PRKG1: variants seen among roughly 807,000 people sequenced by gnomAD.
PRKG1 encodes the protein cGMP-dependent protein kinase 1.
In PRKG1, 35 loss-of-function variants were observed where a neutral mutation model predicts 88.1. The ratio of observed to expected loss-of-function variants is 0.40; its 90% CI spans 0.30 to 0.53. The LOEUF is 0.53. PRKG1 is among the 20% of genes least tolerant of loss of function. PRKG1 has a pLI of 0.59. For missense variants in PRKG1, 540 were observed against 839.8 expected (o/e 0.64, Z 4.41); for synonymous variants, 303 against 292.5 (o/e 1.04, Z -0.37).
chr10:52,168,643 A>G (rs1342611355), intron 9 of PRKG1, among the ~76,000 whole-genome samples: 2 of 152,092 alleles, frequency 1.3e-5, no homozygotes, highest in Admixed American at 6.6e-5. Context: ...CAGGGAGAAT[A>G]ATCAAAATAT....
chr10:51,210,692 C>T (rs146186944), intron 2 of PRKG1, among the ~76,000 whole-genome samples: 5,281 of 152,150 alleles, frequency 0.035, 301 homozygotes, highest in African/African-American at 0.12. Context: ...AACACCTCTA[C>T]GCAAATAAAC....
chr10:51,059,075 CAT>C (rs1353152847), intron 1 of PRKG1, among the ~76,000 whole-genome samples: 2 of 152,132 alleles, frequency 1.3e-5, no homozygotes, highest in African/African-American at 4.8e-5. Flanking sequence ...TAACCTTTAA[CAT>C]AAAATTTCTG....
At position 51,856,318 on chromosome 10, in the gene PRKG1, A is replaced by G. The variant is rs981860463; in HGVS notation, c.699-51189A>G. Among the ~76,000 whole-genome samples the G allele has an allele frequency of 3.3e-5, 5 of 152,296 alleles. No homozygotes were observed. In the East Asian group the frequency reaches 5.8e-4, roughly 18 times the overall value. Reference sequence around the variant, plus strand: ...TCTTTGGGAGGCCATTATTCAGCCAACTACCCCAGGTTAGAATTCTGCTCT... The same window carrying G: ...TCTTTGGGAGGCCATTATTCAGCCAGCTACCCCAGGTTAGAATTCTGCTCT... On this transcript the variant is annotated intron_variant, in intron 4 of 17. Coordinates refer to ENST00000373980, the MANE Select transcript of PRKG1 (RefSeq NM_006258.4).
chr10:51,735,854 C>CATGTAT (rs1837253485), intron 3 of PRKG1, among the ~76,000 whole-genome samples: 1 of 114,200 alleles, frequency 8.8e-6, no homozygotes, highest in East Asian at 2.8e-4. Flanking sequence ...GGCCTGACTG[C>CATGTAT]ATATATATAT....
intron 17 of PRKG1, among the ~76,000 whole-genome samples, chr10:52,292,087 G>T (rs1191928825): frequency 2.6e-5 from 4 of 152,006 alleles, no homozygotes; most frequent in East Asian, 1.9e-4. Flanking sequence ...TCATGTCCTT[G>T]GCCCACTTTT....
intron 2 of PRKG1, among the ~76,000 whole-genome samples, chr10:51,156,340 TAAGA>T (rs973932286): frequency 1.5e-5 from 1 of 67,526 alleles, no homozygotes; most frequent in Non-Finnish European, 3.3e-5. Context: ...TGTAACAAAA[TAAGA>T]AAGAAATACT....
intron 2 of PRKG1, among the ~76,000 whole-genome samples, chr10:51,273,318 C>T (rs1376736858): frequency 1.4e-5 from 2 of 146,166 alleles, no homozygotes; most frequent in Non-Finnish European, 3.0e-5. Context: ...TGAGATTAAC[C>T]TGGGCAACAT....
At chr10:52,075,070 AACTT>A (rs970052256) in intron 7 of PRKG1, among the ~76,000 whole-genome samples, 14 of 152,224 alleles carry the variant, frequency 9.2e-5, no homozygotes, top group African/African-American at 3.1e-4. Flanking sequence ...TAAGTCCACT[AACTT>A]TTCCTGGGCC....
chr10:51,823,375 T>C (rs1343604178), intron 4 of PRKG1, among the ~76,000 whole-genome samples: 2 of 152,126 alleles, frequency 1.3e-5, no homozygotes, highest in Non-Finnish European at 1.5e-5. Context: ...GTATGGCATA[T>C]AGGGTGAAAC....
rs141838886 is a variant in PRKG1, at chr10:52,093,116, T to C, written c.935+30485T>C. 1.7e-3 allele frequency among the ~76,000 whole-genome samples: 257 copies of C among 152,310 alleles called. 1 individual carries two copies. Among genetic ancestry groups the C allele is most frequent in the African/African-American group, 5.7e-3 (239 of 41,580 alleles). Reference sequence around the variant, plus strand: ...AAGAAAACCTTGGATGTAGAACCACTGTTAGGGTTTCCTGGCACTTGTTTA... The same window carrying C: ...AAGAAAACCTTGGATGTAGAACCACCGTTAGGGTTTCCTGGCACTTGTTTA... On this transcript the variant is annotated intron_variant, in intron 7 of 17. Coordinates refer to ENST00000373980, the MANE Select transcript of PRKG1 (RefSeq NM_006258.4).
intron 5 of PRKG1, among the ~76,000 whole-genome samples, chr10:51,935,524 T>C (rs1244918521): frequency 1.3e-5 from 2 of 152,118 alleles, no homozygotes; most frequent in East Asian, 3.9e-4. Context: ...GGAGCACAGA[T>C]AACCAGACAT....
Position 51,818,875 on chromosome 10 carries a change from T to C in PRKG1, c.698+14185T>C, listed in dbSNP as rs376869684. ...ACAAAAAATTAGCCGGGCGTAGTGGTGGGCGCCTGTAGTCCCAGCTACTTG... is the reference window on the plus strand; with the variant it reads ...ACAAAAAATTAGCCGGGCGTAGTGGCGGGCGCCTGTAGTCCCAGCTACTTG... On this transcript the variant is annotated intron_variant, in intron 4 of 17. Coordinates refer to ENST00000373980, the MANE Select transcript of PRKG1 (RefSeq NM_006258.4). 3.1e-4 allele frequency among the ~76,000 whole-genome samples: 40 copies of C among 127,838 alleles called. 4 individuals carry two copies. Among genetic ancestry groups the C allele is most frequent in the East Asian group, 2.9e-3 (13 of 4,520 alleles). The allele number at this position is 127,838 out of a possible 152,430, so 83.9% of individuals were successfully genotyped here. A position where few individuals can be genotyped will look rare whatever the true frequency, so the allele number is the denominator to read the frequency against.
intron 1 of PRKG1, among the ~76,000 whole-genome samples, chr10:51,132,601 T>C (rs1278327967): frequency 6.6e-6 from 1 of 150,856 alleles, no homozygotes; most frequent in Non-Finnish European, 1.5e-5. Context: ...GTTTGTCTGA[T>C]TTAATAAAAA....
chr10:51,096,545 G>A (rs1844535399), intron 1 of PRKG1, among the ~76,000 whole-genome samples: 1 of 152,206 alleles, frequency 6.6e-6, no homozygotes, highest in Non-Finnish European at 1.5e-5. Context: ...TATAAAATGG[G>A]AGGCAGCATA....
intron 2 of PRKG1, among the ~76,000 whole-genome samples, chr10:51,246,899 C>A (rs540069436): frequency 6.6e-6 from 1 of 152,032 alleles, no homozygotes; most frequent in African/African-American, 2.4e-5. Flanking sequence ...TATGTTATAT[C>A]TTCCAGTTCT....
intron 4 of PRKG1, among the ~76,000 whole-genome samples, chr10:51,893,267 C>G (rs1841766418): frequency 6.6e-6 from 1 of 152,020 alleles, no homozygotes; most frequent in Non-Finnish European, 1.5e-5. Flanking sequence ...TGTTTCTCTT[C>G]TGAATTCGTC....
chr10:52,249,843 GCAAAAAA>G (rs1841128794), intron 9 of PRKG1, among the ~76,000 whole-genome samples: 2 of 148,346 alleles, frequency 1.3e-5, no homozygotes, highest in Non-Finnish European at 3.0e-5. Context: ...AAAACAAAAA[GCAAAAAA>G]CAAAAAACCA....
intron 1 of PRKG1, among the ~76,000 whole-genome samples, chr10:51,077,598 T>C (rs533698329): frequency 4.6e-5 from 7 of 152,332 alleles, no homozygotes; most frequent in African/African-American, 1.7e-4. Context: ...CTTAATAACT[T>C]GAATCATTTT....
chr10:51,671,046 A>G (rs150366621), intron 3 of PRKG1, among the ~76,000 whole-genome samples: 1,610 of 151,768 alleles, frequency 0.011, 21 homozygotes, highest in African/African-American at 0.036. Context: ...TATTTTAGAG[A>G]TTTTTTTATG....
Sources: allele counts gnomAD v4.1 joint callset (sites outside exome capture counted in the v4.1 genomes callset), GRCh38; gene constraint gnomAD v4.1.1; transcripts MANE v1.5; gene names NCBI Gene and HGNC (gene_info 2026-07-23, HGNC 2026-07-21).